VPS13A: variants seen among roughly 807,000 people sequenced by gnomAD.
VPS13A encodes vacuolar protein sorting 13 homolog A, also known as intermembrane lipid transfer protein VPS13A.
Under a neutral mutation model 390.9 loss-of-function variants are expected in VPS13A, and 264 were observed. The ratio of observed to expected loss-of-function variants is 0.68; its 90% CI spans 0.61 to 0.75. The LOEUF is 0.75. Among genes scored for constraint, VPS13A ranks in the 30% least tolerant of loss-of-function variants. The probability of loss-of-function intolerance (pLI) is 0.00; values close to 1 mark genes in which losing one functional copy is unlikely to be tolerated. For missense variants in VPS13A, 3,409 were observed against 3,733.9 expected (o/e 0.91, Z 2.27); for synonymous variants, 1,231 against 1,227.1 (o/e 1.00, Z -0.07).
chr9:77,370,680 T>G, intron 65 of VPS13A, 102 bp downstream of exon 65: 1 of 1,541,436 alleles, frequency 6.5e-7, no homozygotes, highest in Non-Finnish European at 8.9e-7. Flanking sequence ...CCTTAAATTA[T>G]TATTTGGATA....
At chr9:77,221,579 G>C (rs554035087) in intron 13 of VPS13A, among the ~76,000 whole-genome samples, 21 of 152,224 alleles carry the variant, frequency 1.4e-4, no homozygotes, top group Non-Finnish European at 2.9e-4. Flanking sequence ...TCAATCGGAA[G>C]GAATTTGGGT....
intron 26 of VPS13A, among the ~76,000 whole-genome samples, chr9:77,278,237 A>ACTTTTTT: frequency 8.7e-6 from 1 of 115,372 alleles, no homozygotes; most frequent in East Asian, 2.6e-4. Flanking sequence ...CGCCCAGCTA[A>ACTTTTTT]TTTTTTTTTT....
At chr9:77,211,290 A>G (rs1184760952) in intron 7 of VPS13A, 1 of 152,172 alleles carries the variant, frequency 6.6e-6, no homozygotes, top group African/African-American at 2.4e-5. Context: ...AGAGATAAGT[A>G]TCCTAAATTT....
intron 34 of VPS13A, 140 bp downstream of exon 34, chr9:77,303,202 G>A: frequency 1.1e-6 from 1 of 884,278 alleles, no homozygotes; most frequent in Admixed American, 2.5e-5. Context: ...TATTAAACTA[G>A]AATTCATTTT....
intron 23 of VPS13A, among the ~76,000 whole-genome samples, 177 bp downstream of exon 23, chr9:77,260,401 G>C (rs1039629108): frequency 6.8e-6 from 1 of 146,366 alleles, no homozygotes; most frequent in African/African-American, 2.6e-5. Flanking sequence ...CTGTCACCAG[G>C]CTGGAGTGCA....
At position 77,221,255 on chromosome 9, in the gene VPS13A, C is replaced by T; in HGVS notation, c.1060C>T (p.His354Tyr). The T allele has an allele frequency of 6.2e-7, 1 of 1,613,192 alleles. No individual in the cohort carries two copies. Among genetic ancestry groups the T allele is most frequent in the Non-Finnish European group, 8.5e-7 (1 of 1,179,534 alleles). The change falls in exon 13 of 72, where the codon CAT (histidine) becomes TAT (tyrosine). Residue 354 changes from histidine (H) to tyrosine (Y), a missense_variant. Transcript: ENST00000360280. ...CAGGTTATGGATGTGGTCATGGAAG[C>T]ATATTAGAAAACATAGGCAAAAAGT... is the stretch of plus-strand genomic sequence containing the variant. ...CPRLWMWSWK[H>Y]IRKHRQKVKQ...
At chr9:77,330,087 G>A (rs1020068733) in intron 45 of VPS13A, among the ~76,000 whole-genome samples, 3 of 152,108 alleles carry the variant, frequency 2.0e-5, no homozygotes, top group African/African-American at 7.2e-5. Flanking sequence ...CATGATCAGT[G>A]CTCACTGCAA....
At chr9:77,369,124 G>A (rs1832603327) in intron 62 of VPS13A, among the ~76,000 whole-genome samples, 175 bp from the exon 63 acceptor site, 1 of 152,066 alleles carries the variant, frequency 6.6e-6, no homozygotes, top group South Asian at 2.1e-4. Flanking sequence ...GAGCAGGACT[G>A]TCTCAAAAAG....
intron 17 of VPS13A, among the ~76,000 whole-genome samples, chr9:77,236,749 A>C (rs894010407): frequency 9.9e-5 from 15 of 152,240 alleles, no homozygotes; most frequent in African/African-American, 3.6e-4. Flanking sequence ...TTGCAGACAG[A>C]CATAAAGAGG....
intron 31 of VPS13A, among the ~76,000 whole-genome samples, chr9:77,286,038 T>G (rs1443286171): frequency 6.6e-6 from 1 of 152,224 alleles, no homozygotes; most frequent in African/African-American, 2.4e-5. Flanking sequence ...ATTCAGGGTT[T>G]GGGAGTAGGG....
chr9:77,196,710 T>C (rs1825025893), intron 1 of VPS13A, among the ~76,000 whole-genome samples: 1 of 152,110 alleles, frequency 6.6e-6, no homozygotes, highest in Admixed American at 6.6e-5. Flanking sequence ...TATTTCACTG[T>C]GTATATATAT....
chr9:77,212,196 C>T (rs910717628), intron 7 of VPS13A, among the ~76,000 whole-genome samples: 3 of 152,144 alleles, frequency 2.0e-5, no homozygotes, highest in African/African-American at 7.2e-5. Flanking sequence ...TTTCATTGCT[C>T]TTAGTTTTAT....
At chr9:77,252,139 C>G (rs1298255093) in intron 21 of VPS13A, 96 bp from the exon 22 acceptor site, 3 of 1,014,364 alleles carry the variant, frequency 3.0e-6, no homozygotes, top group Non-Finnish European at 4.7e-6. Flanking sequence ...GGGAAATTTC[C>G]TCATATAATG....
At position 77,177,803 on chromosome 9, in the gene VPS13A, A is replaced by G. The variant is rs764599550; in HGVS notation, c.99A>G (p.Lys33=). ...CCCAGCTCTCTCTGGGCATCTGGAA[A>G]GGTAAGGAGGCCGCCGCCGCCGCTC... is the stretch of plus-strand genomic sequence containing the variant. ...DTSQLSLGIW[K]GAVALKNLQI... is the part of the protein sequence containing the mutation. The change falls in exon 1 of 72, where the codon AAA becomes AAG. Residue 33 remains lysine, a splice_region_variant and synonymous_variant. Coordinates refer to ENST00000360280, the MANE Select transcript of VPS13A (RefSeq NM_033305.3). 3 of 1,611,148 alleles carry G rather than the reference A, an allele frequency of 1.9e-6. No individual in the cohort carries two copies. The South Asian group carries it at 3.3e-5, about 18-fold the overall frequency.
At chr9:77,333,052 ATAG>A (rs1830360041) in intron 46 of VPS13A, among the ~76,000 whole-genome samples, 1 of 152,234 alleles carries the variant, frequency 6.6e-6, no homozygotes, top group Admixed American at 6.5e-5. Context: ...GAACAACAAA[ATAG>A]TCATTTACAG....
chr9:77,258,193 C>T (rs1461078120), intron 22 of VPS13A, among the ~76,000 whole-genome samples: 2 of 152,114 alleles, frequency 1.3e-5, no homozygotes, highest in Non-Finnish European at 2.9e-5. Flanking sequence ...ATATTCAGAC[C>T]TCAGGCACAG....
Position 77,418,760 on chromosome 9 carries a change from C to G in VPS13A, c.*2754C>G, listed in dbSNP as rs1266997431. The stretch of plus-strand genomic sequence containing the variant: ...CACTTACTTACGTGATATTTTCTAT[C>G]ATAATTATCTCTCTCATTTCTTCCA... On this transcript the variant is annotated 3_prime_UTR_variant, in exon 72 of 72. Coordinates refer to ENST00000360280, the MANE Select transcript of VPS13A (RefSeq NM_033305.3). 6.6e-6 allele frequency: 1 copy of G among 152,196 alleles called. No individual in the cohort carries two copies. The highest frequency in any genetic ancestry group is 1.9e-4 in the East Asian group (1 of 5,194). 9.4% of individuals were successfully genotyped at this position (152,196 alleles called of 1,614,324 possible).
intron 61 of VPS13A, among the ~76,000 whole-genome samples, chr9:77,367,637 T>C (rs1281897380): frequency 6.6e-6 from 1 of 152,212 alleles, no homozygotes; most frequent in East Asian, 1.9e-4. Context: ...AATGGAGTTA[T>C]AAGTAAGCAG....
At chr9:77,354,035 A>G (rs1216000711) in intron 54 of VPS13A, among the ~76,000 whole-genome samples, 2 of 152,100 alleles carry the variant, frequency 1.3e-5, no homozygotes, top group African/African-American at 4.8e-5. Flanking sequence ...TTGGCACTTT[A>G]AGATCTAATA....
Sources: gnomAD v4.1 joint callset for allele counts (sites outside exome capture counted in the v4.1 genomes callset) on GRCh38, gnomAD v4.1.1 for gene constraint, MANE v1.5 for transcripts, NCBI Gene and HGNC (gene_info 2026-07-23, HGNC 2026-07-21) for gene names.